ADAMTS17: variants seen among roughly 807,000 people sequenced by gnomAD.
ADAMTS17 encodes the protein ADAM metallopeptidase with thrombospondin type 1 motif 17.
A neutral mutation model predicts 141.5 loss-of-function variants in ADAMTS17; 113 were observed. The ratio of observed to expected loss-of-function variants is 0.80; its 90% CI spans 0.69 to 0.93. ADAMTS17 has a LOEUF of 0.93. Ranked by LOEUF, ADAMTS17 falls within the 40% of genes least tolerant of loss-of-function variation. ADAMTS17 has a pLI of 0.00. For synonymous variants in ADAMTS17, 768 were observed against 630.6 expected (o/e 1.22, Z -3.27); for missense variants, 1,659 against 1,517.9 (o/e 1.09, Z -1.54).
intron 7 of ADAMTS17, among the ~76,000 whole-genome samples, chr15:100,242,153 G>T (rs1293547373): frequency 6.6e-6 from 1 of 152,190 alleles, no homozygotes; most frequent in Non-Finnish European, 1.5e-5. Context: ...TCAAATTGCA[G>T]TTCTGACTCC....
intron 7 of ADAMTS17, among the ~76,000 whole-genome samples, chr15:100,213,939 G>A (rs1441828849): frequency 6.6e-6 from 1 of 152,232 alleles, no homozygotes; most frequent in Non-Finnish European, 1.5e-5. Flanking sequence ...TTCCATGGTA[G>A]CTCTTTTTTT....
intron 18 of ADAMTS17, among the ~76,000 whole-genome samples, chr15:99,999,105 T>C (rs1433733742): frequency 6.6e-6 from 1 of 152,110 alleles, no homozygotes; most frequent in Non-Finnish European, 1.5e-5. Flanking sequence ...CATCTGCCCA[T>C]CCAGGCACTG....
At chr15:100,281,485 G>T in intron 3 of ADAMTS17, 84 bp from the exon 4 acceptor site, 2 of 1,519,386 alleles carry the variant, frequency 1.3e-6, no homozygotes, top group Non-Finnish European at 1.8e-6. Flanking sequence ...TGTCAAGCCT[G>T]CCCGAGAGAG....
chr15:100,101,032 G>A (rs1488356337), intron 14 of ADAMTS17, among the ~76,000 whole-genome samples: 1 of 152,084 alleles, frequency 6.6e-6, no homozygotes, highest in Non-Finnish European at 1.5e-5. Flanking sequence ...AGCTAAGATC[G>A]CTTCACTCCT....
intron 10 of ADAMTS17, among the ~76,000 whole-genome samples, chr15:100,137,834 T>A (rs2038414670): frequency 6.6e-6 from 1 of 152,058 alleles, no homozygotes; most frequent in African/African-American, 2.4e-5. Context: ...ATCCACCCTT[T>A]CACTGCCAAC....
chr15:100,067,062 CA>C (rs1398201725), intron 15 of ADAMTS17, among the ~76,000 whole-genome samples: 1 of 147,336 alleles, frequency 6.8e-6, no homozygotes, highest in African/African-American at 2.5e-5. Flanking sequence ...AGTATTCCTT[CA>C]ACGCTTGAAA....
chr15:100,312,620 TAC>T (rs755062868), intron 3 of ADAMTS17, among the ~76,000 whole-genome samples: 5 of 152,206 alleles, frequency 3.3e-5, no homozygotes, highest in Non-Finnish European at 7.3e-5. Flanking sequence ...GAACTGCAGA[TAC>T]AGTGTGATGC....
At chr15:100,340,977 C>G in intron 2 of ADAMTS17, 62 bp downstream of exon 2, 1 of 1,516,518 alleles carries the variant, frequency 6.6e-7, no homozygotes, top group Non-Finnish European at 8.8e-7. Context: ...CCACCCTCCA[C>G]GGCGACCACT....
intron 20 of ADAMTS17, among the ~76,000 whole-genome samples, chr15:99,981,159 C>T (rs533030680): frequency 3.7e-4 from 56 of 152,334 alleles, no homozygotes; most frequent in African/African-American, 1.2e-3. Flanking sequence ...GAGCTTTAAT[C>T]GGAAGCGGGA....
At chr15:100,309,961 T>C (rs574199717) in intron 3 of ADAMTS17, among the ~76,000 whole-genome samples, 5 of 152,292 alleles carry the variant, frequency 3.3e-5, no homozygotes, top group Non-Finnish European at 7.4e-5. Flanking sequence ...ACAGGAAGAT[T>C]TGAGGCAGAT....
intron 12 of ADAMTS17, among the ~76,000 whole-genome samples, chr15:100,118,662 C>T (rs533277271): frequency 1.8e-4 from 28 of 152,298 alleles, no homozygotes; most frequent in African/African-American, 5.8e-4. Flanking sequence ...CAGCCTGGGC[C>T]AGGTACCATT....
At chr15:100,071,036 T>C (rs58187645) in intron 15 of ADAMTS17, among the ~76,000 whole-genome samples, 6,671 of 149,662 alleles carry the variant, frequency 0.045, 839 homozygotes, top group African/African-American at 0.16. Context: ...ATCAAATAGA[T>C]GCAATAAAAA....
At chr15:100,110,252 AATACATAT>A (rs1483073884) in intron 13 of ADAMTS17, among the ~76,000 whole-genome samples, 2 of 132,454 alleles carry the variant, frequency 1.5e-5, no homozygotes, top group Admixed American at 7.4e-5. Context: ...TATATATATA[AATACATAT>A]ATACATATAT....
intron 4 of ADAMTS17, among the ~76,000 whole-genome samples, chr15:100,276,994 C>T (rs567532600): frequency 6.6e-5 from 10 of 152,124 alleles, no homozygotes; most frequent in South Asian, 6.2e-4. Context: ...AGGGCTAGAG[C>T]GGCAAGAAAG....
At position 100,051,583 on chromosome 15, in the gene ADAMTS17, T is replaced by G; in HGVS notation, c.2444A>C (p.Gln815Pro). The G allele has an allele frequency of 7.4e-6, 12 of 1,613,762 alleles. No homozygotes were observed. Among genetic ancestry groups the G allele is most frequent in the Non-Finnish European group, 1.0e-5 (12 of 1,179,936 alleles). Residue 815 changes from glutamine to proline, a missense_variant, in exon 17 of 22, where the codon CAG becomes CCG. By Grantham distance (76) the Gln-to-Pro change is moderately conservative (BLOSUM62 -1). Coordinates refer to ENST00000268070, the MANE Select transcript of ADAMTS17 (RefSeq NM_139057.4). Reference sequence around the variant, plus strand: ...CCACGGCCACTCACCTCCGCCGCACTGCACACTGCACCCTTCCCAGCCGCT... The same window carrying G: ...CCACGGCCACTCACCTCCGCCGCACGGCACACTGCACCCTTCCCAGCCGCT... ...THSGWEGCSV[Q>P]CGGGERRTIV...
intron 18 of ADAMTS17, among the ~76,000 whole-genome samples, chr15:100,046,039 C>T (rs1250133450): frequency 6.6e-6 from 1 of 152,152 alleles, no homozygotes; most frequent in Non-Finnish European, 1.5e-5. Flanking sequence ...TGCCACCACA[C>T]CCAGCTAATT....
intron 15 of ADAMTS17, among the ~76,000 whole-genome samples, chr15:100,077,423 C>T (rs2034456013): frequency 6.8e-6 from 1 of 147,614 alleles, no homozygotes; most frequent in Non-Finnish European, 1.5e-5. Flanking sequence ...GATTGTGCAA[C>T]TGCACTCCAG....
intron 18 of ADAMTS17, among the ~76,000 whole-genome samples, chr15:100,038,499 T>A (rs1294653673): frequency 6.6e-6 from 1 of 151,382 alleles, no homozygotes; most frequent in East Asian, 1.9e-4. Context: ...TGAAAATGAA[T>A]GTCTATTTGA....
chr15:100,216,647 C>T (rs544967445), intron 7 of ADAMTS17, among the ~76,000 whole-genome samples: 1 of 152,264 alleles, frequency 6.6e-6, no homozygotes, highest in Admixed American at 6.5e-5. Flanking sequence ...CCCTTTTTCC[C>T]GATGCTGACA....
Sources: gnomAD v4.1 joint callset for allele counts (sites outside exome capture counted in the v4.1 genomes callset) on GRCh38, gnomAD v4.1.1 for gene constraint, MANE v1.5 for transcripts, NCBI Gene and HGNC (gene_info 2026-07-23, HGNC 2026-07-21) for gene names.